Variants in DCTN2 observed in about 807,000 individuals in gnomAD.
The protein encoded by DCTN2 is dynactin subunit 2, also known as 50 kDa dynein-associated polypeptide.
A neutral mutation model predicts 55.4 loss-of-function variants in DCTN2; 18 were observed. That is an observed-to-expected ratio of 0.32 (90% CI 0.22 to 0.48). The LOEUF is 0.48. Ranked by LOEUF, DCTN2 falls within the 20% of genes least tolerant of loss-of-function variation. The probability of loss-of-function intolerance (pLI) is 0.99; values close to 1 mark genes in which losing one functional copy is unlikely to be tolerated. For missense variants in DCTN2, 390 were observed against 491.0 expected (o/e 0.79, Z 1.94); for synonymous variants, 168 against 185.2 (o/e 0.91, Z 0.76).
chr12:57,540,205 G>T, intron 2 of DCTN2: 1 of 879,302 alleles, frequency 1.1e-6, no homozygotes, highest in Non-Finnish European at 1.4e-6. Context: ...ACCTTTCTCT[G>T]ATTTGTCCCA....
At chr12:57,536,988 T>A (rs1288343365) in intron 2 of DCTN2, among the ~76,000 whole-genome samples, 1 of 141,218 alleles carries the variant, frequency 7.1e-6, no homozygotes, top group Non-Finnish European at 1.6e-5. Flanking sequence ...TCACTTATAA[T>A]TTTTTTTTTT....
At chr12:57,544,355 A>G (rs1315912423) in intron 2 of DCTN2, among the ~76,000 whole-genome samples, 1 of 152,028 alleles carries the variant, frequency 6.6e-6, no homozygotes, top group Non-Finnish European at 1.5e-5. Context: ...TACAATGTAA[A>G]TGCTATGTAA....
intron 2 of DCTN2, among the ~76,000 whole-genome samples, chr12:57,542,489 A>C (rs1202524409): frequency 2.0e-5 from 3 of 152,206 alleles, no homozygotes. Flanking sequence ...TGGAGCAGTG[A>C]GGGTCAACAC....
chr12:57,534,660 A>G, intron 5 of DCTN2: 2 of 516,272 alleles, frequency 3.9e-6, no homozygotes, highest in Non-Finnish European at 6.6e-6. Flanking sequence ...CAGGAGCTTA[A>G]GGAATCTTTC....
chr12:57,541,214 A>G, intron 2 of DCTN2: 1 of 792,860 alleles, frequency 1.3e-6, no homozygotes, highest in Non-Finnish European at 2.0e-6. Flanking sequence ...ATGATCTTTA[A>G]ACATAAGGCC....
chr12:57,537,204 C>T (rs1209628658), intron 2 of DCTN2, among the ~76,000 whole-genome samples: 1 of 151,308 alleles, frequency 6.6e-6, no homozygotes, highest in Non-Finnish European at 1.5e-5. Flanking sequence ...TATTGTGGCA[C>T]GTGCCTGTGG....
intron 2 of DCTN2, 156 bp downstream of exon 2, chr12:57,545,872 G>A (rs1013847960): frequency 1.3e-5 from 8 of 629,672 alleles, no homozygotes; most frequent in African/African-American, 9.2e-5. Flanking sequence ...GTGGCTGCAA[G>A]CCCAGCAAGG....
intron 2 of DCTN2, chr12:57,540,156 T>C (rs1880583430): frequency 1.0e-6 from 1 of 975,316 alleles, no homozygotes; most frequent in African/African-American, 1.8e-5. Context: ...CACCCATAAG[T>C]GCAAACATGC....
intron 13 of DCTN2, among the ~76,000 whole-genome samples, chr12:57,531,154 G>A (rs1213354165): frequency 6.6e-6 from 1 of 152,156 alleles, no homozygotes; most frequent in Non-Finnish European, 1.5e-5. Context: ...ATTTATCTCA[G>A]TGATCCTGTG....
rs1313474163 is a variant in DCTN2 at position 57,533,627 on chromosome 12, C to T, written c.670-324G>A. Among the ~76,000 whole-genome samples the T allele has an allele frequency of 2.6e-5, 4 of 151,960 alleles. No homozygotes were observed. The East Asian group carries it at 5.8e-4, about 22-fold the overall frequency. ...TCTACCAAAAATACAAAAAATGAGCCGGGCGTGGTGGCAGGTGCCTGTAGT... is the reference window on the plus strand; with the variant it reads ...TCTACCAAAAATACAAAAAATGAGCTGGGCGTGGTGGCAGGTGCCTGTAGT... On this transcript the variant is annotated intron_variant, in intron 7 of 13. Transcript: ENST00000548249.
intron 2 of DCTN2, among the ~76,000 whole-genome samples, chr12:57,545,464 T>TA (rs1881073702): frequency 1.3e-5 from 2 of 152,314 alleles, no homozygotes; most frequent in Admixed American, 6.5e-5. Context: ...AATGTATCCG[T>TA]ACCTAATTAC....
intron 11 of DCTN2, 101 bp from the exon 12 acceptor site, chr12:57,532,416 A>T: frequency 7.5e-7 from 1 of 1,337,854 alleles, no homozygotes; most frequent in Non-Finnish European, 1.1e-6. Flanking sequence ...TCAAGTGGGC[A>T]GAGGGAAGCA....
intron 2 of DCTN2, among the ~76,000 whole-genome samples, chr12:57,536,812 T>A (rs952835603): frequency 6.6e-6 from 1 of 151,846 alleles, no homozygotes; most frequent in Non-Finnish European, 1.5e-5. Flanking sequence ...TTTTCAATTG[T>A]CAGAAGCCTG....
At chr12:57,539,327 T>C (rs1212866080) in intron 2 of DCTN2, among the ~76,000 whole-genome samples, 1 of 152,250 alleles carries the variant, frequency 6.6e-6, no homozygotes, top group Non-Finnish European at 1.5e-5. Flanking sequence ...AATTCTGCCA[T>C]GATGTACTTA....
chr12:57,546,972 G>A (rs1424303085), intron 1 of DCTN2, 56 bp downstream of exon 1: 1 of 1,247,596 alleles, frequency 8.0e-7, no homozygotes. Flanking sequence ...TCTGCTGGGG[G>A]TCCTTGGGAG....
intron 2 of DCTN2, among the ~76,000 whole-genome samples, chr12:57,539,114 T>C (rs1880487063): frequency 6.6e-6 from 1 of 152,338 alleles, no homozygotes. Flanking sequence ...AAGTCTGATA[T>C]GACTTTAGGT....
At chr12:57,540,438 G>T (rs1565682352) in intron 2 of DCTN2, among the ~76,000 whole-genome samples, 1 of 152,212 alleles carries the variant, frequency 6.6e-6, no homozygotes, top group East Asian at 1.9e-4. Context: ...GCATAACCTG[G>T]AGTAGTACTA....
rs778943653 is a variant in DCTN2 at position 57,547,042 on chromosome 12, C to G, written c.22G>C (p.Asp8His). MADPKYADLPGIARNEPD... is the reference protein window; with the variant it reads MADPKYAHLPGIARNEPD... The stretch of plus-strand genomic sequence containing the variant: ...CCTGTACTCACAATGCCGGGAAGGT[C>G]GGCGTATTTAGGGTCCGCCATGGCG... The change falls in exon 1 of 14, where the codon GAC (aspartate) becomes CAC (histidine). Residue 8 changes from aspartate (D) to histidine (H), a missense_variant. Physicochemically the swap from Asp to His is moderately conservative, Grantham distance 81. Around this residue, in one of 2 missense-constraint regions of DCTN2, gnomAD observed 117 missense variants for 187.8 expected, o/e 0.62. Transcript: ENST00000548249. 8 of 1,287,346 alleles carry G rather than the reference C, an allele frequency of 6.2e-6. No homozygotes were observed. Among genetic ancestry groups the G allele is most frequent in the Non-Finnish European group, 2.0e-6 (2 of 1,009,552 alleles). 79.7% of individuals were successfully genotyped at this position (1,287,346 alleles called of 1,614,324 possible).
At chr12:57,546,874 C>CG (rs915584730) in intron 1 of DCTN2, among the ~76,000 whole-genome samples, 154 bp downstream of exon 1, 2 of 151,848 alleles carry the variant, frequency 1.3e-5, no homozygotes, top group Admixed American at 6.6e-5. Context: ...CAGAAGAGTT[C>CG]GGGGGGTGCT....
Sources: gnomAD v4.1 joint callset for allele counts (sites outside exome capture counted in the v4.1 genomes callset) on GRCh38, gnomAD v4.1.1 for gene constraint, gnomAD v4.1.1 regional missense constraint, MANE v1.5 for transcripts, NCBI Gene and HGNC (gene_info 2026-07-23, HGNC 2026-07-21) for gene names.